The following GON4L variants were observed in gnomAD, a reference collection of about 807,000 sequenced individuals.
GON4L encodes GON-4-like protein.
In GON4L, 87 loss-of-function variants were observed where a neutral mutation model predicts 211.8. That is an observed-to-expected ratio of 0.41 (90% CI 0.35 to 0.49). The LOEUF (loss-of-function observed/expected upper bound fraction) is 0.49, where lower values mean the gene tolerates loss of function less well. Ranked by LOEUF, GON4L falls within the 20% of genes least tolerant of loss-of-function variation. GON4L has a pLI of 0.15. For missense variants in GON4L, 2,155 were observed against 2,659.5 expected (o/e 0.81, Z 4.17); for synonymous variants, 875 against 962.6 (o/e 0.91, Z 1.68).
At chr1:155,809,507 C>A (rs913802891) in intron 10 of GON4L, among the ~76,000 whole-genome samples, 1 of 145,402 alleles carries the variant, frequency 6.9e-6, no homozygotes, top group African/African-American at 2.5e-5. Flanking sequence ...ATTCAATATT[C>A]TATTTTTAAT....
rs533674265 is a variant in GON4L at position 155,773,147 on chromosome 1, A to G, written c.2414T>C (p.Met805Thr). 2.8e-5 allele frequency: 45 copies of G among 1,613,970 alleles called. No homozygotes were observed. Among genetic ancestry groups the G allele is most frequent in the Non-Finnish European group, 3.6e-5 (43 of 1,179,964 alleles). The change falls in exon 18 of 32, where the codon ATG (methionine) becomes ACG (threonine). Residue 805 changes from methionine (M) to threonine (T), a missense_variant. Physicochemically the swap from Met to Thr is moderately conservative, Grantham distance 81. Around this residue, in one of 6 missense-constraint regions of GON4L, gnomAD observed 551 missense variants for 854.0 expected, o/e 0.65. Coordinates refer to ENST00000368331, the MANE Select transcript of GON4L (RefSeq NM_001282860.2). The part of the protein sequence containing the change: ...AWILATSKVF[M>T]YPELLPVCSL... The stretch of plus-strand genomic sequence containing the variant: ...ACACACTGGAAGTAACTCTGGATAC[A>G]TGAAAACCTTGCTTGTGGCCAGAAT...
At chr1:155,826,394 G>C (rs1208924279) in intron 3 of GON4L, among the ~76,000 whole-genome samples, 1 of 151,784 alleles carries the variant, frequency 6.6e-6, no homozygotes, top group Non-Finnish European at 1.5e-5. Context: ...GCAAAACCCT[G>C]TCTCTACTAA....
chr1:155,761,249 T>C (rs1661770772), intron 23 of GON4L, among the ~76,000 whole-genome samples: 1 of 146,146 alleles, frequency 6.8e-6, no homozygotes, highest in East Asian at 2.1e-4. Flanking sequence ...GATGCAATCA[T>C]GGCTCACTGC....
At chr1:155,781,393 G>C (rs1664409101) in intron 14 of GON4L, among the ~76,000 whole-genome samples, 1 of 151,900 alleles carries the variant, frequency 6.6e-6, no homozygotes, top group Non-Finnish European at 1.5e-5. Flanking sequence ...TGATATGCCT[G>C]CTTCGGCATC....
chr1:155,796,000 T>C (rs368616809), intron 11 of GON4L, among the ~76,000 whole-genome samples: 13 of 152,126 alleles, frequency 8.5e-5, no homozygotes, highest in Admixed American at 7.2e-4. Flanking sequence ...TATATTCTAA[T>C]ATCTGAAAAA....
intron 10 of GON4L, among the ~76,000 whole-genome samples, chr1:155,811,522 A>G (rs1202964855): frequency 6.6e-6 from 1 of 150,960 alleles, no homozygotes; most frequent in Non-Finnish European, 1.5e-5. Flanking sequence ...CTGGGAGGCT[A>G]AGGTGGGCAG....
At chr1:155,810,188 G>T (rs574062387) in intron 10 of GON4L, among the ~76,000 whole-genome samples, 2 of 150,584 alleles carry the variant, frequency 1.3e-5, no homozygotes, top group Non-Finnish European at 3.0e-5. Flanking sequence ...TGGAGACGGG[G>T]TTTCACCATG....
At chr1:155,779,221 T>G (rs1664149759) in intron 14 of GON4L, among the ~76,000 whole-genome samples, 1 of 128,824 alleles carries the variant, frequency 7.8e-6, no homozygotes, top group Non-Finnish European at 1.6e-5. Context: ...GCCACTGCAC[T>G]CCAGCCTGGG....
At chr1:155,751,315 G>GCAGGTGGATAACCTGAGGT (rs1660556778) in intron 31 of GON4L, among the ~76,000 whole-genome samples, 1 of 152,110 alleles carries the variant, frequency 6.6e-6, no homozygotes, top group Admixed American at 6.6e-5. Context: ...GGAGGCTGAG[G>GCAGGTGGATAACCTGAGGT]CAGGTGGATA....
In GON4L at chr1:155,762,235, G is replaced by C. The variant is rs760393616; in HGVS notation, c.4866C>G (p.Leu1622=). 2.5e-6 allele frequency: 4 copies of C among 1,611,550 alleles called. No homozygotes were observed. Among genetic ancestry groups the C allele is most frequent in the Non-Finnish European group, 2.5e-6 (3 of 1,178,902 alleles). ...YDEDILERDP[L]REQKDLAFAQ... is the part of the protein sequence containing the mutation. ...CAAAGGCCAAGTCCTTCTGCTCCCT[G>C]AGTGGATCTCGCTCGAGAATGTCCT... Residue 1622 remains leucine, a synonymous_variant, in exon 23 of 32, where the codon CTC becomes CTG. Coordinates refer to ENST00000368331, the MANE Select transcript of GON4L (RefSeq NM_001282860.2).
rs888818835 is a variant in GON4L, at chr1:155,777,509, G to A, written c.2091+113C>T. On this transcript the variant is annotated intron_variant, in intron 15 of 31. Transcript: ENST00000368331. ...CAGGAGAAATGCTTGAGCCCAGAAA[G>A]CAGAGGTTGAAGTGAGCCGATATCG... is the stretch of plus-strand genomic sequence containing the variant. The A allele has an allele frequency of 4.8e-6, 4 of 830,944 alleles. No homozygotes were observed. The African/African-American group carries it at 6.7e-5, about 14-fold the overall frequency. 51.5% of individuals were successfully genotyped at this position (830,944 alleles called of 1,614,324 possible).
At position 155,765,144 on chromosome 1, in the gene GON4L, C is replaced by G. The variant is rs1173732357; in HGVS notation, c.4329G>C (p.Gly1443=). The G allele has an allele frequency of 6.2e-7, 1 of 1,614,044 alleles. No individual in the cohort carries two copies. Among genetic ancestry groups the G allele is most frequent in the Non-Finnish European group, 8.5e-7 (1 of 1,180,010 alleles). Reference sequence around the variant, plus strand: ...CTCCAGTTTCTGGCCCAACTGGAGTCCCCACTGACTGACCATCAACACTGG... The same window carrying G: ...CTCCAGTTTCTGGCCCAACTGGAGTGCCCACTGACTGACCATCAACACTGG... ...DSSSVDGQSV[G]TPVGPETGGE... is the part of the protein sequence containing the mutation. The change falls in exon 21 of 32, where the codon GGG becomes GGC. Residue 1443 remains glycine (G), a synonymous_variant. Coordinates refer to ENST00000368331, the MANE Select transcript of GON4L (RefSeq NM_001282860.2).
At chr1:155,851,591 C>A (rs928385337) in intron 2 of GON4L, among the ~76,000 whole-genome samples, 1 of 151,822 alleles carries the variant, frequency 6.6e-6, no homozygotes, top group African/African-American at 2.4e-5. Flanking sequence ...TGGCGGGCGC[C>A]TGTAATACCA....
chr1:155,762,809 G>A (rs908647894), intron 22 of GON4L, among the ~76,000 whole-genome samples: 5 of 152,160 alleles, frequency 3.3e-5, no homozygotes, highest in Admixed American at 6.5e-5. Flanking sequence ...AGGCCGAGGC[G>A]GGTGGATCAT....
downstream of GON4L, chr1:155,749,596 C>A: frequency 1.4e-6 from 2 of 1,404,678 alleles, no homozygotes; most frequent in Middle Eastern, 2.0e-4. Context: ...TGCAGTCCAC[C>A]GGGTATGGTT....
chr1:155,810,252 T>G (rs1009280375), intron 10 of GON4L, among the ~76,000 whole-genome samples: 1 of 151,304 alleles, frequency 6.6e-6, no homozygotes, highest in Non-Finnish European at 1.5e-5. Context: ...CCTGGGCCTC[T>G]CAAAGTGCTG....
chr1:155,756,670 A>G (rs1661220319), intron 27 of GON4L: 1 of 343,570 alleles, frequency 2.9e-6, no homozygotes, highest in African/African-American at 2.1e-5. Context: ...CACACTTGTA[A>G]TCCCAGCACT....
At chr1:155,835,945 TA>T (rs1670251377) in intron 2 of GON4L, among the ~76,000 whole-genome samples, 1 of 152,162 alleles carries the variant, frequency 6.6e-6, no homozygotes, top group Admixed American at 6.5e-5. Flanking sequence ...AGCCAGACCC[TA>T]AATTAAGACT....
intron 7 of GON4L, 22 bp downstream of exon 7, chr1:155,816,190 C>CAATT: frequency 8.5e-7 from 1 of 1,173,982 alleles, no homozygotes; most frequent in Non-Finnish European, 1.3e-6. Context: ...AAAAGAATAA[C>CAATT]AATTATTTCT....
Sources: allele counts gnomAD v4.1 joint callset (sites outside exome capture counted in the v4.1 genomes callset), GRCh38; gene constraint gnomAD v4.1.1; regional missense constraint gnomAD v4.1.1; transcripts MANE v1.5; gene names NCBI Gene and HGNC (gene_info 2026-07-23, HGNC 2026-07-21).